PCARE: variants seen among roughly 807,000 people sequenced by gnomAD.
The protein encoded by PCARE is photoreceptor cilium actin regulator.
In PCARE, 72 loss-of-function variants were observed where a neutral mutation model predicts 82.2. That is an observed-to-expected ratio of 0.88 (90% confidence interval 0.72 to 1.07). The LOEUF is 1.07. Among genes scored for constraint, PCARE ranks in the 50% least tolerant of loss-of-function variants. The pLI is 0.00. For missense variants in PCARE, 1,768 were observed against 1,592.4 expected (o/e 1.11, Z -1.88); for synonymous variants, 705 against 634.8 (o/e 1.11, Z -1.66).
In PCARE at chr2:29,072,620, T is replaced by C. The variant is rs1189015284; in HGVS notation, c.1642A>G (p.Ile548Val). The C allele has an allele frequency of 6.2e-7, 1 of 1,614,044 alleles. No homozygotes were observed. Among genetic ancestry groups the C allele is most frequent in the Non-Finnish European group, 8.5e-7 (1 of 1,180,042 alleles). ...GGGACAAACTTGATCCTTTCGCTGATTGACTCCTTCATCTTCAGAATCATT... is the reference window on the plus strand; with the variant it reads ...GGGACAAACTTGATCCTTTCGCTGACTGACTCCTTCATCTTCAGAATCATT... ...QEMILKMKESISERIKFVPVP... is the reference protein window; with the variant it reads ...QEMILKMKESVSERIKFVPVP... Residue 548 changes from isoleucine (I) to valine (V), a missense_variant, in exon 1 of 2, where the codon ATC (isoleucine) becomes GTC (valine). By Grantham distance (29) the Ile-to-Val change is conservative (BLOSUM62 3). Transcript: ENST00000331664.
In PCARE at chr2:29,073,898, G is replaced by A. The variant is rs1340975262; in HGVS notation, c.364C>T (p.His122Tyr). The change falls in exon 1 of 2, where the codon CAT (histidine) becomes TAT (tyrosine). Residue 122 changes from histidine to tyrosine, a missense_variant. His to Tyr is a moderately conservative substitution (Grantham distance 83, BLOSUM62 2). Transcript: ENST00000331664. ...KDIPFKTQGS[H>Y]GSQGADFSGD... Reference sequence around the variant, plus strand: ...GAAAAGTCTGCCCCTTGTGATCCATGGGAACCCTGTGTCTTGAACGGAATA... The same window carrying A: ...GAAAAGTCTGCCCCTTGTGATCCATAGGAACCCTGTGTCTTGAACGGAATA... 1.2e-6 allele frequency: 2 copies of A among 1,614,214 alleles called. No homozygotes were observed. The highest frequency in any genetic ancestry group is 2.2e-5 in the South Asian group (2 of 91,080).
Position 29,073,110 on chromosome 2 carries a change from A to G in PCARE, c.1152T>C (p.Thr384=). The change falls in exon 1 of 2, where the codon ACT becomes ACC. Residue 384 remains threonine, a synonymous_variant. Transcript: ENST00000331664. ...APEPEEWKSV[T]SPHTEARQSG... The stretch of plus-strand genomic sequence containing the variant: ...ACTGCCTGGCCTCTGTGTGGGGTGA[A>G]GTCACCGACTTCCATTCTTCGGGCT... 1 of 1,614,112 alleles carries G rather than the reference A, an allele frequency of 6.2e-7. No individual in the cohort carries two copies. The highest frequency in any genetic ancestry group is 1.1e-5 in the South Asian group (1 of 91,070).
chr2:29,064,877 C>A lies in PCARE; in HGVS notation c.3859G>T (p.Val1287Leu). ...QPEAQPQQEE[V>L]S The stretch of plus-strand genomic sequence containing the variant: ...GCCCCCTCGTCAGCCTGTCAGGACA[C>A]CTCCTCTTGCTGGGGCTGCGCCTCT... The change falls in exon 2 of 2, where the codon GTG becomes TTG. Residue 1287 changes from valine to leucine, a missense_variant. By Grantham distance (32) the Val-to-Leu change is conservative (BLOSUM62 1). Coordinates refer to ENST00000331664, the MANE Select transcript of PCARE (RefSeq NM_001029883.3). The A allele has an allele frequency of 6.2e-7, 1 of 1,611,508 alleles. No individual in the cohort carries two copies. The highest frequency in any genetic ancestry group is 8.5e-7 in the Non-Finnish European group (1 of 1,179,984).
chr2:29,066,636 G>A (rs535159668), intron 1 of PCARE, among the ~76,000 whole-genome samples: 17 of 152,226 alleles, frequency 1.1e-4, no homozygotes, highest in Non-Finnish European at 1.8e-4. Context: ...TGGGGTGGGC[G>A]CTAAGACCAG....
rs2148415135 is a variant in PCARE, at chr2:29,071,172, G to A, written c.3090C>T (p.Pro1030=). ...QPSPSAVQTP[P]SPPVSPRVLS... ...GCACCCTGGGGCTCACAGGTGGGCT[G>A]GGGGGCGTCTGCACAGCAGAGGGGC... The change falls in exon 1 of 2, where the codon CCC becomes CCT. Residue 1030 remains proline, a synonymous_variant. Coordinates refer to ENST00000331664, the MANE Select transcript of PCARE (RefSeq NM_001029883.3). The A allele has an allele frequency of 6.3e-7, 1 of 1,582,680 alleles. No homozygotes were observed. Among genetic ancestry groups the A allele is most frequent in the Middle Eastern group, 1.8e-4 (1 of 5,618 alleles).
chr2:29,070,990 G>C lies in PCARE; in HGVS notation c.3272C>G (p.Pro1091Arg), dbSNP rs1345441609. The change falls in exon 1 of 2, where the codon CCC becomes CGC. Residue 1091 changes from proline (P) to arginine (R), a missense_variant. Pro to Arg is a moderately radical substitution (Grantham distance 103). Transcript: ENST00000331664. ...SPPFSIPSPS[P>R]PMSPSQEHKE... ...GTGCTCCTGAGAAGGGGACATTGGG[G>C]GTGATGGGGAGGGAATCGAGAAAGG... The C allele has an allele frequency of 6.2e-7, 1 of 1,612,056 alleles. No homozygotes were observed. The highest frequency in any genetic ancestry group is 8.5e-7 in the Non-Finnish European group (1 of 1,179,780).
At position 29,063,502 on chromosome 2, in the gene PCARE, G is replaced by A. The variant is rs1572821009; in HGVS notation, c.*1367C>T. ...TGGGGGAGGTTGCTATAGTCCCTAGGGACCCAGTTTAACAAGTTTTTGAGC... is the reference window on the plus strand; with the variant it reads ...TGGGGGAGGTTGCTATAGTCCCTAGAGACCCAGTTTAACAAGTTTTTGAGC... On this transcript the variant is annotated 3_prime_UTR_variant, in exon 2 of 2. Coordinates refer to ENST00000331664, the MANE Select transcript of PCARE (RefSeq NM_001029883.3). 6.6e-6 allele frequency: 1 copy of A among 152,622 alleles called. No individual in the cohort carries two copies. The highest frequency in any genetic ancestry group is 1.9e-4 in the East Asian group (1 of 5,198). The allele number at this position is 152,622 out of a possible 1,614,324, so 9.5% of individuals were successfully genotyped here.
At chr2:29,066,482 C>G (rs2148413231) in intron 1 of PCARE, among the ~76,000 whole-genome samples, 1 of 152,364 alleles carries the variant, frequency 6.6e-6, no homozygotes. Context: ...CGCGACAGCA[C>G]ATTCTTGCCT....
chr2:29,069,265 T>A (rs768959186), intron 1 of PCARE, among the ~76,000 whole-genome samples: 1 of 152,248 alleles, frequency 6.6e-6, no homozygotes. Context: ...GCAGCACTAT[T>A]CACAATAGCA....
In PCARE at chr2:29,073,310, C is replaced by A. The variant is rs1667527105; in HGVS notation, c.952G>T (p.Asp318Tyr). 6.2e-7 allele frequency: 1 copy of A among 1,614,040 alleles called. No homozygotes were observed. The highest frequency in any genetic ancestry group is 1.3e-5 in the African/African-American group (1 of 74,910). ...CTCAGAGCCCTCAGGAGGCGTTCAT[C>A]CACATTCCTTTTTGTGCTCAGCTTA... is the stretch of plus-strand genomic sequence containing the variant. The part of the protein sequence containing the change: ...ENKLSTKRNV[D>Y]ERLLRALRQL... Residue 318 changes from aspartate (D) to tyrosine (Y), a missense_variant, in exon 1 of 2, where the codon GAT (aspartate) becomes TAT (tyrosine). Physicochemically the swap from Asp to Tyr is radical, Grantham distance 160 (BLOSUM62 -3). Transcript: ENST00000331664.
Position 29,063,148 on chromosome 2 carries a change from A to G in PCARE, c.*1721T>C, listed in dbSNP as rs1667337120. Reference sequence around the variant, plus strand: ...CGGGCAAGTTTGCTGAACCTGGTCCATCCTCACGTGCTTACCTTGGCCCCT... The same window carrying G: ...CGGGCAAGTTTGCTGAACCTGGTCCGTCCTCACGTGCTTACCTTGGCCCCT... On this transcript the variant is annotated 3_prime_UTR_variant, in exon 2 of 2. Coordinates refer to ENST00000331664, the MANE Select transcript of PCARE (RefSeq NM_001029883.3). 1 of 152,446 alleles carries G rather than the reference A, an allele frequency of 6.6e-6. No homozygotes were observed. 9.4% of individuals were successfully genotyped at this position (152,446 alleles called of 1,614,324 possible).
Position 29,062,119 on chromosome 2 carries a change from C to G in PCARE, c.*2750G>C, listed in dbSNP as rs1316787497. The G allele has an allele frequency of 6.6e-6, 1 of 152,202 alleles. No individual in the cohort carries two copies. Among genetic ancestry groups the G allele is most frequent in the African/African-American group, 2.4e-5 (1 of 41,396 alleles). 9.4% of individuals were successfully genotyped at this position (152,202 alleles called of 1,614,324 possible). On this transcript the variant is annotated 3_prime_UTR_variant, in exon 2 of 2. Transcript: ENST00000331664. ...ACTGCTTCACCTTTGACCTAATTGA[C>G]CCCCAGCCCCCAGCACCTTGGCAAC... is the stretch of plus-strand genomic sequence containing the variant.
In PCARE at chr2:29,073,434, G is replaced by T. The variant is rs1667529584; in HGVS notation, c.828C>A (p.Ser276Arg). Residue 276 changes from serine to arginine, a missense_variant, in exon 1 of 2, where the codon AGC (serine) becomes AGA (arginine). Coordinates refer to ENST00000331664, the MANE Select transcript of PCARE (RefSeq NM_001029883.3). ...LLQQLLQYTV[S>R]KLQVLNGTVA... is the part of the protein sequence containing the mutation. ...CTGTGCCATTGAGCACCTGCAGCTT[G>T]CTGACTGTGTACTGTAGCAGCTGTT... 6.2e-7 allele frequency: 1 copy of T among 1,614,106 alleles called. No homozygotes were observed. The highest frequency in any genetic ancestry group is 8.5e-7 in the Non-Finnish European group (1 of 1,180,040).
rs1158460539 is a variant in PCARE, at chr2:29,072,243, G to A, written c.2019C>T (p.Asn673=). The A allele has an allele frequency of 6.2e-7, 1 of 1,614,260 alleles. No homozygotes were observed. Among genetic ancestry groups the A allele is most frequent in the Admixed American group, 1.7e-5 (1 of 60,032 alleles). The change falls in exon 1 of 2, where the codon AAC becomes AAT. Residue 673 remains asparagine, a synonymous_variant. Coordinates refer to ENST00000331664, the MANE Select transcript of PCARE (RefSeq NM_001029883.3). The part of the protein sequence containing the change: ...TSRLKASLTK[N]FSILPSQDKS... ...TGTCCTGACTAGGCAAAATACTGAA[G>A]TTCTTGGTGAGGGATGCCTTGAGCC...
intron 1 of PCARE, among the ~76,000 whole-genome samples, chr2:29,065,301 G>A (rs1006954421): frequency 1.3e-5 from 2 of 152,232 alleles, no homozygotes; most frequent in Non-Finnish European, 2.9e-5. Flanking sequence ...GCTGAGTCCT[G>A]TTCTTTCCCC....
Position 29,071,987 on chromosome 2 carries a change from G to A in PCARE, c.2275C>T (p.Leu759Phe). Residue 759 changes from leucine to phenylalanine, a missense_variant, in exon 1 of 2, where the codon CTC (leucine) becomes TTC (phenylalanine). Transcript: ENST00000331664. ...DSKDAGASPC[L>F]RNCIMPPRFP... ...CTGGGGGGCATGATGCAATTCCTGA[G>A]GCAGGGACTTGCCCCAGCGTCCTTA... is the stretch of plus-strand genomic sequence containing the variant. 1.2e-6 allele frequency: 2 copies of A among 1,613,888 alleles called. No individual in the cohort carries two copies. The highest frequency in any genetic ancestry group is 8.5e-7 in the Non-Finnish European group (1 of 1,179,796).
chr2:29,073,414 C>G lies in PCARE; in HGVS notation c.848G>C (p.Gly283Ala). The G allele has an allele frequency of 6.2e-7, 1 of 1,613,970 alleles. No individual in the cohort carries two copies. Among genetic ancestry groups the G allele is most frequent in the Non-Finnish European group, 8.5e-7 (1 of 1,180,018 alleles). The change falls in exon 1 of 2, where the codon GGC (glycine) becomes GCC (alanine). Residue 283 changes from glycine to alanine, a missense_variant. Coordinates refer to ENST00000331664, the MANE Select transcript of PCARE (RefSeq NM_001029883.3). The stretch of plus-strand genomic sequence containing the variant: ...GCTGCCGGTGAGCGAGGCCACTGTG[C>G]CATTGAGCACCTGCAGCTTGCTGAC... Reference protein sequence around the residue: ...YTVSKLQVLNGTVASLTGSFL... With the variant: ...YTVSKLQVLNATVASLTGSFL...
At position 29,071,422 on chromosome 2, in the gene PCARE, G is replaced by A. The variant is rs1387983950; in HGVS notation, c.2840C>T (p.Ala947Val). Residue 947 changes from alanine (A) to valine (V), a missense_variant, in exon 1 of 2, where the codon GCC (alanine) becomes GTC (valine). Ala to Val is a moderately conservative substitution (Grantham distance 64). Transcript: ENST00000331664. ...CCGGGGCTGCCTGTAGAGGCTGGTG[G>A]CCTTCTCTGCCTGACTCCAAGTCCC... ...KGGTWSQAEK[A>V]TSLYRQPRKA... The A allele has an allele frequency of 3.1e-6, 5 of 1,613,310 alleles. No individual in the cohort carries two copies. The East Asian group carries it at 6.7e-5, about 22-fold the overall frequency.
chr2:29,064,553 C>T lies in PCARE; in HGVS notation c.*316G>A. The T allele has an allele frequency of 1.9e-6, 1 of 516,438 alleles. No individual in the cohort carries two copies. The highest frequency in any genetic ancestry group is 3.5e-6 in the Non-Finnish European group (1 of 284,928). The allele number at this position is 516,438 out of a possible 1,614,324, so 32.0% of individuals were successfully genotyped here. On this transcript the variant is annotated 3_prime_UTR_variant, in exon 2 of 2. Coordinates refer to ENST00000331664, the MANE Select transcript of PCARE (RefSeq NM_001029883.3). ...GGAATGAACCCAGTTAAAACCCTAT[C>T]AAGCATGCAACTATACATTCTCCAC...
Sources: allele counts gnomAD v4.1 joint callset (sites outside exome capture counted in the v4.1 genomes callset), GRCh38; gene constraint gnomAD v4.1.1; transcripts MANE v1.5; gene names NCBI Gene and HGNC (gene_info 2026-07-23, HGNC 2026-07-21).